TNFRSF11A: variants seen among roughly 807,000 people sequenced by gnomAD.
TNFRSF11A encodes the protein tumor necrosis factor receptor superfamily member 11A.
A neutral mutation model predicts 55.7 loss-of-function variants in TNFRSF11A; 32 were observed. The observed-to-expected ratio is 0.57, with a 90% CI of 0.43 to 0.77. The LOEUF is 0.77. Among genes scored for constraint, TNFRSF11A ranks in the 30% least tolerant of loss-of-function variants. The probability of loss-of-function intolerance (pLI) is 0.00; values close to 1 mark genes in which losing one functional copy is unlikely to be tolerated. For missense variants in TNFRSF11A, 753 were observed against 809.8 expected (o/e 0.93, Z 0.85); for synonymous variants, 311 against 331.0 (o/e 0.94, Z 0.65).
intron 2 of TNFRSF11A, among the ~76,000 whole-genome samples, 176 bp downstream of exon 2, chr18:62,348,425 G>A (rs2046416959): frequency 6.6e-6 from 1 of 151,930 alleles, no homozygotes. Flanking sequence ...GATTTGAAGG[G>A]ATTTTAAAAT....
rs11289576 is a variant in TNFRSF11A, at chr18:62,335,129, A to ATTTTTTTTTTTTTTTT, written c.75+9703_75+9718dup. Among the ~76,000 whole-genome samples the ATTTTTTTTTTTTTTTT allele has an allele frequency of 2.5e-3, 348 of 140,758 alleles. 17 individuals are homozygous for ATTTTTTTTTTTTTTTT. Among genetic ancestry groups the ATTTTTTTTTTTTTTTT allele is most frequent in the Middle Eastern group, 7.9e-3 (2 of 254 alleles). 92.3% of individuals were successfully genotyped at this position (140,758 alleles called of 152,430 possible). On this transcript the variant is annotated intron_variant, in intron 1 of 9. Coordinates refer to ENST00000586569, the MANE Select transcript of TNFRSF11A (RefSeq NM_003839.4). Reference sequence around the variant, plus strand: ...CTGTGACCAAGCCACTGGGGTCGGAATTTTTTTTTTTTTTTTGTTACCCAG... The same window carrying ATTTTTTTTTTTTTTTT: ...CTGTGACCAAGCCACTGGGGTCGGAATTTTTTTTTTTTTTTTTTTTTTTTTTTTTTTTGTTACCCAG...
chr18:62,379,873 G>C (rs1368688693), intron 9 of TNFRSF11A, among the ~76,000 whole-genome samples: 1 of 152,190 alleles, frequency 6.6e-6, no homozygotes, highest in Admixed American at 6.5e-5. Flanking sequence ...CAGTTTTACT[G>C]AATATTTAGT....
At chr18:62,384,394 TC>T (rs1256504247) in intron 9 of TNFRSF11A, among the ~76,000 whole-genome samples, 2 of 100,792 alleles carry the variant, frequency 2.0e-5, no homozygotes, top group African/African-American at 4.0e-5. Flanking sequence ...CCCCTCCTCC[TC>T]CCCCCTTCTT....
intron 1 of TNFRSF11A, among the ~76,000 whole-genome samples, chr18:62,329,206 G>GT (rs1348560370): frequency 6.6e-6 from 1 of 152,024 alleles, no homozygotes; most frequent in Non-Finnish European, 1.5e-5. Context: ...TTTGTTTTTT[G>GT]TTTTTTTGGC....
At chr18:62,354,680 T>C (rs1600384619) in intron 4 of TNFRSF11A, 146 bp downstream of exon 4, 3 of 1,234,124 alleles carry the variant, frequency 2.4e-6, no homozygotes, top group Non-Finnish European at 3.4e-6. Flanking sequence ...TGGGGGCTGA[T>C]TTTCCACGAG....
chr18:62,367,916 C>T (rs1238503483), intron 8 of TNFRSF11A, among the ~76,000 whole-genome samples: 1 of 150,718 alleles, frequency 6.6e-6, no homozygotes, highest in East Asian at 2.0e-4. Context: ...GCCTCAGCCT[C>T]CTGAGTATCT....
rs2145418555 is a variant in TNFRSF11A, at chr18:62,390,950, A to G, written c.*5916A>G. The G allele has an allele frequency of 6.6e-6, 1 of 152,358 alleles. No individual in the cohort carries two copies. The highest frequency in any genetic ancestry group is 1.9e-4 in the East Asian group (1 of 5,188). 9.4% of individuals were successfully genotyped at this position (152,358 alleles called of 1,614,324 possible). On this transcript the variant is annotated 3_prime_UTR_variant, in exon 10 of 10. Coordinates refer to ENST00000586569, the MANE Select transcript of TNFRSF11A (RefSeq NM_003839.4). ...AAAAATACATAGTTGTGTAACCACC[A>G]CCATCACAATCAAGATATAGAATAT... is the stretch of plus-strand genomic sequence containing the variant.
rs1909433733 is a variant in TNFRSF11A, at chr18:62,358,437, G to A, written c.521+96G>A. ...GGTTGAAAACGGACGGATTCTGTTG[G>A]GTTAGGCTTCCTCTTGAAGCCACGT... On this transcript the variant is annotated intron_variant, in intron 5 of 9. Transcript: ENST00000586569. The A allele has an allele frequency of 8.1e-6, 10 of 1,228,304 alleles. No homozygotes were observed. The South Asian group carries it at 1.1e-4, about 13-fold the overall frequency. The allele number at this position is 1,228,304 out of a possible 1,614,324, so 76.1% of individuals were successfully genotyped here. A position where few individuals can be genotyped will look rare whatever the true frequency, so the allele number is the denominator to read the frequency against.
intron 2 of TNFRSF11A, among the ~76,000 whole-genome samples, chr18:62,348,680 C>A (rs1375974300): frequency 6.6e-6 from 1 of 152,216 alleles, no homozygotes; most frequent in Admixed American, 6.5e-5. Flanking sequence ...CCTTGTCGTA[C>A]CTTTTTCCAT....
intron 1 of TNFRSF11A, among the ~76,000 whole-genome samples, chr18:62,328,572 AT>A (rs1386699648): frequency 2.0e-5 from 3 of 152,202 alleles, no homozygotes; most frequent in African/African-American, 7.2e-5. Context: ...AAGTCGACTA[AT>A]CAGAAGCAGG....
intron 1 of TNFRSF11A, among the ~76,000 whole-genome samples, chr18:62,340,204 C>A (rs1202438566): frequency 4.6e-5 from 7 of 151,670 alleles, no homozygotes; most frequent in African/African-American, 1.5e-4. Flanking sequence ...AAAAGAGTCC[C>A]AAATCCTTTA....
In TNFRSF11A at chr18:62,388,859, T is replaced by G. The variant is rs1911885599; in HGVS notation, c.*3825T>G. 2 of 152,212 alleles carry G rather than the reference T, an allele frequency of 1.3e-5. No individual in the cohort carries two copies. Among genetic ancestry groups the G allele is most frequent in the Non-Finnish European group, 2.9e-5 (2 of 68,024 alleles). 9.4% of individuals were successfully genotyped at this position (152,212 alleles called of 1,614,324 possible). A position where few individuals can be genotyped will look rare whatever the true frequency, so the allele number is the denominator to read the frequency against. On this transcript the variant is annotated 3_prime_UTR_variant, in exon 10 of 10. Transcript: ENST00000586569. ...GTAGAGAAACCTGCATATAAACAGATAAAAGATCGAGTGTTCACCCTTCAC... is the reference window on the plus strand; with the variant it reads ...GTAGAGAAACCTGCATATAAACAGAGAAAAGATCGAGTGTTCACCCTTCAC...
intron 9 of TNFRSF11A, chr18:62,374,164 C>T (rs1002182695): frequency 5.3e-5 from 8 of 152,162 alleles, no homozygotes; most frequent in African/African-American, 1.9e-4. Context: ...AACATCAATG[C>T]ACTATTTCAA....
chr18:62,329,519 G>T (rs570124908), intron 1 of TNFRSF11A, among the ~76,000 whole-genome samples: 1 of 152,330 alleles, frequency 6.6e-6, no homozygotes, highest in South Asian at 2.1e-4. Context: ...TAGTTGCAGT[G>T]TGGGGCTTTC....
At chr18:62,360,813 G>A (rs1347020918) in intron 6 of TNFRSF11A, among the ~76,000 whole-genome samples, 1 of 152,164 alleles carries the variant, frequency 6.6e-6, no homozygotes, top group Non-Finnish European at 1.5e-5. Context: ...TGGTTACTTG[G>A]TGAGCAGGAC....
chr18:62,335,397 C>T lies in TNFRSF11A; in HGVS notation c.75+9970C>T, dbSNP rs943836769. On this transcript the variant is annotated intron_variant, in intron 1 of 9. Transcript: ENST00000586569. ...CTGGGATCACAGGCATGAGCCACCA[C>T]GCCTGGTCTGGGATCCAATTTCCAT... 6.6e-5 allele frequency among the ~76,000 whole-genome samples: 10 copies of T among 152,280 alleles called. No individual in the cohort carries two copies. In the South Asian group the frequency reaches 1.7e-3, roughly 25 times the overall value.
At chr18:62,369,547 G>A (rs1421185840) in intron 9 of TNFRSF11A, 63 bp downstream of exon 9, 12 of 1,586,668 alleles carry the variant, frequency 7.6e-6, no homozygotes, top group South Asian at 1.1e-5. Flanking sequence ...CAGGGTTTGG[G>A]GGCAGGTATT....
chr18:62,379,479 T>G (rs559226527), intron 9 of TNFRSF11A, among the ~76,000 whole-genome samples: 1 of 152,332 alleles, frequency 6.6e-6, no homozygotes, highest in African/African-American at 2.4e-5. Flanking sequence ...AGTTTGATAA[T>G]CATGATTATT....
At chr18:62,338,500 G>T (rs1464931030) in intron 1 of TNFRSF11A, among the ~76,000 whole-genome samples, 1 of 152,212 alleles carries the variant, frequency 6.6e-6, no homozygotes, top group East Asian at 1.9e-4. Flanking sequence ...AAGGAATGGC[G>T]TTCTGGTACA....
Sources: allele counts gnomAD v4.1 joint callset (sites outside exome capture counted in the v4.1 genomes callset), GRCh38; gene constraint gnomAD v4.1.1; transcripts MANE v1.5; gene names NCBI Gene and HGNC (gene_info 2026-07-23, HGNC 2026-07-21).